The following SKOR2 variants were observed in gnomAD, a reference collection of about 807,000 sequenced individuals.
SKOR2 encodes the protein LBX1 corepressor 1-like protein.
A neutral mutation model predicts 69.1 loss-of-function variants in SKOR2; 47 were observed. The ratio of observed to expected loss-of-function variants is 0.68; its 90% CI spans 0.54 to 0.87. SKOR2 has a LOEUF of 0.87. Ranked by LOEUF, SKOR2 falls within the 40% of genes least tolerant of loss-of-function variation. The probability of loss-of-function intolerance (pLI) is 0.00; values close to 1 mark genes in which losing one functional copy is unlikely to be tolerated. For synonymous variants in SKOR2, 717 were observed against 672.6 expected (o/e 1.07, Z -1.02); for missense variants, 1,404 against 1,472.2 (o/e 0.95, Z 0.76).
chr18:47,224,755 C>T (rs911722269), intron 6 of SKOR2, among the ~76,000 whole-genome samples: 3 of 151,976 alleles, frequency 2.0e-5, no homozygotes, highest in Non-Finnish European at 4.4e-5. Flanking sequence ...GCTGGGACTA[C>T]CTGTGCATGC....
At chr18:47,210,571 T>G (rs1247385554) in intron 8 of SKOR2, among the ~76,000 whole-genome samples, 2 of 152,232 alleles carry the variant, frequency 1.3e-5, no homozygotes, top group South Asian at 4.1e-4. Context: ...TATCTTGATA[T>G]TCTAAGTTAA....
At chr18:47,242,858 G>A (rs573145282) in intron 4 of SKOR2, among the ~76,000 whole-genome samples, 13 of 152,112 alleles carry the variant, frequency 8.5e-5, no homozygotes, top group Non-Finnish European at 1.9e-4. Flanking sequence ...ATTTTAACAA[G>A]CGACTCTAAA....
chr18:47,211,745 C>G (rs2064128508), intron 8 of SKOR2, among the ~76,000 whole-genome samples: 1 of 152,058 alleles, frequency 6.6e-6, no homozygotes, highest in Non-Finnish European at 1.5e-5. Flanking sequence ...GATGAGACAC[C>G]CTGAGGATGA....
chr18:47,229,936 A>G (rs1224247016), intron 6 of SKOR2, among the ~76,000 whole-genome samples: 1 of 152,206 alleles, frequency 6.6e-6, no homozygotes. Context: ...TGGATGGGAA[A>G]TCTAAAACTA....
intron 7 of SKOR2, among the ~76,000 whole-genome samples, chr18:47,219,221 T>C (rs1368941701): frequency 3.3e-5 from 5 of 152,170 alleles, no homozygotes; most frequent in African/African-American, 9.7e-5. Context: ...TTGAAAATAT[T>C]GAGCAGAAAT....
Position 47,248,680 on chromosome 18 carries a change from G to A in SKOR2, c.504C>T (p.Arg168=), listed in dbSNP as rs1371411685. The change falls in exon 2 of 9, where the codon CGC becomes CGT. Residue 168 remains arginine (R), a synonymous_variant. Coordinates refer to ENST00000425639, the MANE Select transcript of SKOR2 (RefSeq NM_001278063.4). The surrounding 1 kb of genome is among the most constrained non-coding windows in gnomAD (Gnocchi z 6.4). The part of the protein sequence containing the change: ...SFIPARYNSS[R]AKCIKCSYCN... ...AGTAGCTGCATTTGATGCACTTGGC[G>A]CGCGAGCTGTTGTAGCGCGCGGGAA... 2.6e-6 allele frequency: 4 copies of A among 1,566,174 alleles called. No individual in the cohort carries two copies. The highest frequency in any genetic ancestry group is 3.4e-6 in the Non-Finnish European group (4 of 1,161,966).
chr18:47,217,617 A>G (rs1258099351), intron 7 of SKOR2, among the ~76,000 whole-genome samples: 1 of 152,230 alleles, frequency 6.6e-6, no homozygotes, highest in African/African-American at 2.4e-5. Flanking sequence ...GGTCAGGATC[A>G]TCATGGGTGG....
chr18:47,210,177 A>G (rs1310846603), intron 8 of SKOR2, among the ~76,000 whole-genome samples: 1 of 152,242 alleles, frequency 6.6e-6, no homozygotes, highest in Non-Finnish European at 1.5e-5. Context: ...CGTCATTTAC[A>G]TAAAGTTCAA....
At chr18:47,237,870 G>T (rs931687166) in intron 4 of SKOR2, among the ~76,000 whole-genome samples, 4 of 151,796 alleles carry the variant, frequency 2.6e-5, no homozygotes, top group African/African-American at 9.7e-5. Flanking sequence ...TATTTTGTAG[G>T]TCTACCTATG....
chr18:47,208,582 G>T (rs1011943589), intron 8 of SKOR2, among the ~76,000 whole-genome samples: 1 of 152,202 alleles, frequency 6.6e-6, no homozygotes, highest in East Asian at 1.9e-4. Context: ...TGAATGTAAA[G>T]TAATAATTAA....
chr18:47,230,923 A>G lies in SKOR2; in HGVS notation c.2818+12T>C. 6.5e-7 allele frequency: 1 copy of G among 1,535,212 alleles called. No homozygotes were observed. Among genetic ancestry groups the G allele is most frequent in the Non-Finnish European group, 8.7e-7 (1 of 1,146,276 alleles). On this transcript the variant is annotated intron_variant, in intron 5 of 8. Transcript: ENST00000425639. The stretch of plus-strand genomic sequence containing the variant: ...CTAAGAGAAGTTCTACAGAATTGAA[A>G]CTTTCATTTACCTTTCCCCATATTT...
chr18:47,211,726 A>G (rs982473531), intron 8 of SKOR2, among the ~76,000 whole-genome samples: 2 of 152,208 alleles, frequency 1.3e-5, no homozygotes, highest in African/African-American at 4.8e-5. Context: ...GAAGCGAAGG[A>G]GAGACAGAGA....
intron 2 of SKOR2, among the ~76,000 whole-genome samples, chr18:47,245,812 G>A (rs2144513369): frequency 6.6e-6 from 1 of 151,862 alleles, no homozygotes; most frequent in South Asian, 2.1e-4. Flanking sequence ...CAGAAGCATA[G>A]GCATATGCTT....
chr18:47,245,608 C>T (rs776725406), intron 2 of SKOR2, 47 bp from the exon 3 acceptor site: 1 of 1,461,348 alleles, frequency 6.8e-7, no homozygotes, highest in South Asian at 1.3e-5. Flanking sequence ...CGGATCAAAC[C>T]ATATGCTAAT....
intron 2 of SKOR2, among the ~76,000 whole-genome samples, chr18:47,246,327 G>A (rs1481938584): frequency 6.6e-6 from 1 of 152,182 alleles, no homozygotes. Flanking sequence ...CAAGCAGCCA[G>A]CTGAAATATA....
At chr18:47,231,113 T>C (rs1409413163) in intron 4 of SKOR2, 113 bp from the exon 5 acceptor site, 9 of 1,535,716 alleles carry the variant, frequency 5.9e-6, no homozygotes, top group Non-Finnish European at 7.0e-6. Context: ...TAACCTGAAA[T>C]TGGAAGTCCT....
intron 6 of SKOR2, among the ~76,000 whole-genome samples, chr18:47,223,537 G>A (rs2064168371): frequency 6.6e-6 from 1 of 152,182 alleles, no homozygotes; most frequent in Admixed American, 6.5e-5. Context: ...CAAAGACTTA[G>A]TTACAAGGGT....
At chr18:47,215,902 T>C (rs2064142571) in intron 7 of SKOR2, among the ~76,000 whole-genome samples, 1 of 152,166 alleles carries the variant, frequency 6.6e-6, no homozygotes, top group South Asian at 2.1e-4. Flanking sequence ...AAGCATGTCT[T>C]CAACAAATCT....
At chr18:47,227,326 ATTTTTTTTTTTTTTTTT>A (rs778462203) in intron 6 of SKOR2, among the ~76,000 whole-genome samples, 1 of 91,132 alleles carries the variant, frequency 1.1e-5, no homozygotes, top group African/African-American at 5.4e-5. Context: ...CAAGAAGCCA[ATTTTTTTTTTTTTTTTT>A]TTTTTTTTTT....
Sources: gnomAD v4.1 joint callset for allele counts (sites outside exome capture counted in the v4.1 genomes callset) on GRCh38, gnomAD v4.1.1 for gene constraint, Gnocchi (gnomAD v3.1) non-coding constraint, MANE v1.5 for transcripts, NCBI Gene and HGNC (gene_info 2026-07-23, HGNC 2026-07-21) for gene names.